The following AFF2 variants were observed in gnomAD, a reference collection of about 807,000 sequenced individuals.
The protein encoded by AFF2 is ALF transcription elongation factor 2.
In AFF2, 14 loss-of-function variants were observed where a neutral mutation model predicts 76.9. That is an observed-to-expected ratio of 0.18 (90% CI 0.12 to 0.28). The LOEUF is 0.28. Among genes scored for constraint, AFF2 ranks in the 10% least tolerant of loss-of-function variants. The probability of loss-of-function intolerance (pLI) is 1.00; values close to 1 mark genes in which losing one functional copy is unlikely to be tolerated. For missense variants in AFF2, 868 were observed against 1,001.1 expected, an observed-to-expected ratio of 0.87 and a Z score of 1.79; for synonymous variants, 398 against 366.7, an observed-to-expected ratio of 1.09 and a Z score of -0.98.
chrX:148,627,690 G>A (rs2053940301), intron 1 of AFF2, among the ~76,000 whole-genome samples: 1 of 112,207 alleles, frequency 8.9e-6, no homozygotes. Context: ...ACAAAGAGCA[G>A]TAAAGGGAAG....
intron 9 of AFF2, among the ~76,000 whole-genome samples, chrX:148,912,158 A>G (rs2092614871): frequency 1.8e-5 from 2 of 112,441 alleles, no homozygotes; most frequent in Admixed American, 9.4e-5. Context: ...ATACTGCATT[A>G]TTTTTTAAAA....
chrX:148,768,436 C>T (rs782113640), intron 3 of AFF2, among the ~76,000 whole-genome samples: 1 of 110,863 alleles, frequency 9.0e-6, no homozygotes, highest in African/African-American at 3.3e-5. Flanking sequence ...ACGTCACTTC[C>T]AGGCCTTCAG....
At chrX:148,795,832 A>AAT (rs1169188980) in intron 3 of AFF2, among the ~76,000 whole-genome samples, 263 of 15,497 alleles carry the variant, frequency 0.017, 7 homozygotes, top group African/African-American at 0.031. Context: ...AAAAAAAAAA[A>AAT]ATATATATAT....
At chrX:148,690,844 A>T (rs1269726373) in intron 3 of AFF2, among the ~76,000 whole-genome samples, 1 of 111,610 alleles carries the variant, frequency 9.0e-6, no homozygotes, top group Non-Finnish European at 1.9e-5. Context: ...TAGTAGTCTA[A>T]AATAAAGGTG....
At chrX:148,739,745 G>C (rs1557265460) in intron 3 of AFF2, among the ~76,000 whole-genome samples, 1 of 111,375 alleles carries the variant, frequency 9.0e-6, no homozygotes, top group Non-Finnish European at 1.9e-5. Flanking sequence ...TATAGGTCCT[G>C]TGTAATTTAT....
chrX:148,632,253 G>T (rs1456313672), intron 1 of AFF2, among the ~76,000 whole-genome samples: 2 of 112,014 alleles, frequency 1.8e-5, no homozygotes, highest in Non-Finnish European at 3.8e-5. Context: ...TGGAAATAAT[G>T]AAAAAGTGTT....
chrX:148,563,157 C>G (rs782154672), intron 1 of AFF2, among the ~76,000 whole-genome samples: 3 of 111,376 alleles, frequency 2.7e-5, no homozygotes, highest in Non-Finnish European at 5.7e-5. Context: ...CAGAATAAAA[C>G]GAGCCTTGTT....
At chrX:148,590,306 A>G (rs902637237) in intron 1 of AFF2, among the ~76,000 whole-genome samples, 1 of 110,252 alleles carries the variant, frequency 9.1e-6, no homozygotes, top group African/African-American at 3.3e-5. Context: ...TATTGCTCAA[A>G]GGGATATAAT....
intron 1 of AFF2, among the ~76,000 whole-genome samples, chrX:148,511,541 C>A (rs2052482094): frequency 8.9e-6 from 1 of 112,519 alleles, no homozygotes; most frequent in African/African-American, 3.2e-5. Context: ...AGTTTCCACA[C>A]GTGCTGATTT....
intron 3 of AFF2, among the ~76,000 whole-genome samples, chrX:148,757,898 C>T (rs1299183146): frequency 4.5e-5 from 5 of 112,246 alleles, no homozygotes; most frequent in Non-Finnish European, 9.4e-5. Context: ...AACAAAAGTT[C>T]GTTCTCATAA....
At chrX:148,837,837 T>TA (rs1241582868) in intron 5 of AFF2, 104 bp downstream of exon 5, 2 of 509,082 alleles carry the variant, frequency 3.9e-6, no homozygotes, top group East Asian at 3.4e-5. Context: ...TCTAGTGCCA[T>TA]AAAATCTAGA....
At chrX:148,987,262 G>A in intron 19 of AFF2, 105 bp from the exon 20 acceptor site, 1 of 760,400 alleles carries the variant, frequency 1.3e-6, no homozygotes, top group Non-Finnish European at 2.0e-6. Context: ...CTTCACTCCA[G>A]CAAATGGCAT....
intron 1 of AFF2, among the ~76,000 whole-genome samples, chrX:148,596,805 T>G (rs1199118207): frequency 1.8e-5 from 2 of 112,553 alleles, no homozygotes; most frequent in Non-Finnish European, 3.7e-5. Context: ...TGTTACACTT[T>G]TAGCCTCCTT....
chrX:148,587,753 A>G (rs1305584195), intron 1 of AFF2, among the ~76,000 whole-genome samples: 1 of 112,440 alleles, frequency 8.9e-6, no homozygotes, highest in Non-Finnish European at 1.9e-5. Flanking sequence ...ATCCAGAGTT[A>G]TATGCCCTCC....
intron 1 of AFF2, among the ~76,000 whole-genome samples, chrX:148,582,033 A>G (rs1438453953): frequency 8.9e-6 from 1 of 111,781 alleles, no homozygotes; most frequent in Non-Finnish European, 1.9e-5. Flanking sequence ...TTTTGAAAAT[A>G]CAGGGCAGTT....
At chrX:148,527,414 A>G (rs188830166) in intron 1 of AFF2, among the ~76,000 whole-genome samples, 1 of 112,346 alleles carries the variant, frequency 8.9e-6, no homozygotes, top group African/African-American at 3.2e-5. Context: ...ATGAATTTAG[A>G]TTGGATCTTG....
At chrX:148,511,650 C>T (rs1209904753) in intron 1 of AFF2, among the ~76,000 whole-genome samples, 5 of 112,065 alleles carry the variant, frequency 4.5e-5, no homozygotes, top group African/African-American at 1.6e-4. Context: ...GAACAAGGAC[C>T]CTAAAAAATA....
At chrX:148,573,095 A>G (rs1463278354) in intron 1 of AFF2, among the ~76,000 whole-genome samples, 1 of 111,812 alleles carries the variant, frequency 8.9e-6, no homozygotes, top group Non-Finnish European at 1.9e-5. Context: ...AATAGCAGAC[A>G]GACTTAAAAA....
chrX:148,541,447 G>A (rs1278107917), intron 1 of AFF2, among the ~76,000 whole-genome samples: 1 of 111,418 alleles, frequency 9.0e-6, no homozygotes, highest in African/African-American at 3.3e-5. Context: ...TATTCGCTGG[G>A]GAGTGTGGCC....
Sources: gnomAD v4.1 joint callset for allele counts (sites outside exome capture counted in the v4.1 genomes callset) on GRCh38, gnomAD v4.1.1 for gene constraint, MANE v1.5 for transcripts, NCBI Gene and HGNC (gene_info 2026-07-23, HGNC 2026-07-21) for gene names.